The following FAM222A variants were observed in gnomAD, a reference collection of about 807,000 sequenced individuals.
FAM222A encodes the protein protein FAM222A.
A neutral mutation model predicts 25.8 loss-of-function variants in FAM222A; 7 were observed. The ratio of observed to expected loss-of-function variants is 0.27; its 90% confidence interval spans 0.15 to 0.51. FAM222A has a LOEUF of 0.51. Among genes scored for constraint, FAM222A ranks in the 20% least tolerant of loss-of-function variants. The pLI is 0.97. For synonymous variants in FAM222A, 294 were observed against 298.8 expected, an observed-to-expected ratio of 0.98 and a Z score of 0.17; for missense variants, 573 against 640.5, an observed-to-expected ratio of 0.89 and a Z score of 1.14.
chr12:109,733,405 A>ATT (rs796576388), intron 1 of FAM222A, among the ~76,000 whole-genome samples: 32 of 144,578 alleles, frequency 2.2e-4, no homozygotes, highest in African/African-American at 7.1e-4. Context: ...CCATTATTAC[A>ATT]TTTTTTTTTT....
intron 1 of FAM222A, among the ~76,000 whole-genome samples, chr12:109,727,326 AG>A (rs1887862131): frequency 6.6e-6 from 1 of 151,008 alleles, no homozygotes; most frequent in Non-Finnish European, 1.5e-5. Flanking sequence ...TCGGAGGGGG[AG>A]GGGGTGCTGC....
chr12:109,729,834 AAC>A lies in FAM222A; in HGVS notation c.-46-14263_-46-14262del, dbSNP rs200288309. ...AGTTTTTCTTCTTTTCGATTTAATA[AAC>A]ACATACAATTCATTGTGTGCCAAAA... On this transcript the variant is annotated intron_variant, in intron 1 of 2. Transcript: ENST00000538780. Among the ~76,000 whole-genome samples the A allele has an allele frequency of 7.5e-3, 1,143 of 152,356 alleles. 15 individuals carry two copies. The highest frequency in any genetic ancestry group is 0.026 in the African/African-American group (1,075 of 41,592).
intron 2 of FAM222A, among the ~76,000 whole-genome samples, chr12:109,763,598 T>G (rs1248776399): frequency 6.6e-6 from 1 of 152,230 alleles, no homozygotes; most frequent in Non-Finnish European, 1.5e-5. Context: ...TGCTTCAGTG[T>G]CCTGGCACAA....
At chr12:109,718,646 T>A (rs1887692437) in intron 1 of FAM222A, among the ~76,000 whole-genome samples, 1 of 152,230 alleles carries the variant, frequency 6.6e-6, no homozygotes, top group Admixed American at 6.5e-5. Context: ...GCGCTTTCTC[T>A]GCCTGTGCGT....
chr12:109,760,008 G>A (rs1888847162), intron 2 of FAM222A, among the ~76,000 whole-genome samples: 1 of 152,166 alleles, frequency 6.6e-6, no homozygotes, highest in African/African-American at 2.4e-5. Flanking sequence ...GGACACCTTG[G>A]CTGAGACCTG....
intron 2 of FAM222A, among the ~76,000 whole-genome samples, chr12:109,767,533 C>G (rs979268490): frequency 2.0e-5 from 3 of 152,174 alleles, no homozygotes; most frequent in Admixed American, 2.0e-4. Flanking sequence ...GCGGCATAGT[C>G]ACACAACAAA....
intron 2 of FAM222A, among the ~76,000 whole-genome samples, chr12:109,747,345 T>C (rs1020416083): frequency 1.3e-5 from 2 of 152,330 alleles, no homozygotes; most frequent in Admixed American, 1.3e-4. Flanking sequence ...TTCACCCGCC[T>C]TAGCCTCCCA....
chr12:109,764,644 C>T (rs191435885), intron 2 of FAM222A, among the ~76,000 whole-genome samples: 144 of 151,962 alleles, frequency 9.5e-4, no homozygotes, highest in African/African-American at 3.4e-3. Flanking sequence ...TTTTTTTCCC[C>T]GGCAGCTGCT....
intron 1 of FAM222A, among the ~76,000 whole-genome samples, chr12:109,724,386 C>G (rs1045484137): frequency 2.0e-5 from 3 of 152,258 alleles, no homozygotes; most frequent in Non-Finnish European, 4.4e-5. Flanking sequence ...CTGTCCCCTT[C>G]CTACCCAAGA....
At chr12:109,726,092 C>T (rs2136321476) in intron 1 of FAM222A, among the ~76,000 whole-genome samples, 1 of 126,832 alleles carries the variant, frequency 7.9e-6, no homozygotes, top group South Asian at 2.5e-4. Flanking sequence ...GACCCACAAG[C>T]TAAGCTGGGA....
chr12:109,719,210 G>A (rs752829522), intron 1 of FAM222A, among the ~76,000 whole-genome samples: 3 of 152,202 alleles, frequency 2.0e-5, no homozygotes, highest in Admixed American at 2.0e-4. Context: ...CAGAGTTTAC[G>A]TCATAACCCT....
At chr12:109,744,705 ACTAT>A (rs1190097094) in intron 2 of FAM222A, 1 of 985,160 alleles carries the variant, frequency 1.0e-6, no homozygotes, top group Non-Finnish European at 1.2e-6. Context: ...GTCTGTTCTC[ACTAT>A]CTAGGACCAG....
intron 2 of FAM222A, among the ~76,000 whole-genome samples, chr12:109,754,021 T>TC (rs1478467041): frequency 3.9e-5 from 6 of 152,048 alleles, no homozygotes; most frequent in Non-Finnish European, 8.8e-5. Context: ...GCCAGATAGA[T>TC]CTCAACCCTG....
chr12:109,726,119 TAAAAAAAAAAAAA>T (rs11464580), intron 1 of FAM222A, among the ~76,000 whole-genome samples: 2 of 110,360 alleles, frequency 1.8e-5, no homozygotes, highest in Non-Finnish European at 1.8e-5. Context: ...AAAAAATTGC[TAAAAAAAAAAAAA>T]AAAAAAAAAG....
chr12:109,757,348 G>A (rs1888760192), intron 2 of FAM222A, among the ~76,000 whole-genome samples: 3 of 152,308 alleles, frequency 2.0e-5, no homozygotes, highest in South Asian at 4.1e-4. Flanking sequence ...ATCAGGGTTG[G>A]GGAAGGGGCT....
At chr12:109,757,367 T>TA (rs1349402633) in intron 2 of FAM222A, among the ~76,000 whole-genome samples, 1 of 152,170 alleles carries the variant, frequency 6.6e-6, no homozygotes, top group Non-Finnish European at 1.5e-5. Flanking sequence ...CTTGTCCTGT[T>TA]ACAGCTTCAA....
intron 2 of FAM222A, among the ~76,000 whole-genome samples, chr12:109,761,371 A>G (rs1888890987): frequency 6.6e-6 from 1 of 152,230 alleles, no homozygotes; most frequent in Non-Finnish European, 1.5e-5. Flanking sequence ...GGCTCCAGGC[A>G]GGACCCGAGG....
chr12:109,735,952 G>C (rs1385024314), intron 1 of FAM222A: 5 of 152,274 alleles, frequency 3.3e-5, no homozygotes, highest in Non-Finnish European at 5.9e-5. Context: ...GGCTCTCTGG[G>C]AAGAGTGAAA....
At chr12:109,746,503 A>C (rs1204007442) in intron 2 of FAM222A, among the ~76,000 whole-genome samples, 13 of 152,120 alleles carry the variant, frequency 8.5e-5, no homozygotes, top group Admixed American at 8.5e-4. Context: ...AAAACAAAAA[A>C]AAAAGTATGC....
Sources: gnomAD v4.1 joint callset for allele counts (sites outside exome capture counted in the v4.1 genomes callset) on GRCh38, gnomAD v4.1.1 for gene constraint, MANE v1.5 for transcripts, NCBI Gene and HGNC (gene_info 2026-07-23, HGNC 2026-07-21) for gene names.